Variants in WDR41 observed in about 807,000 individuals in gnomAD.
The protein encoded by WDR41 is WD repeat domain 41.
A neutral mutation model predicts 69.3 loss-of-function variants in WDR41; 63 were observed. That is an observed-to-expected ratio of 0.91 (90% CI 0.74 to 1.12). The LOEUF is 1.12. Ranked by LOEUF, WDR41 falls within the 50% of genes most tolerant of loss-of-function variation. The pLI is 0.00. For missense variants in WDR41, 543 were observed against 534.5 expected (o/e 1.02, Z -0.16); for synonymous variants, 185 against 192.1 (o/e 0.96, Z 0.31).
intron 1 of WDR41, among the ~76,000 whole-genome samples, chr5:77,594,447 T>TA (rs1168810208): frequency 6.6e-6 from 1 of 151,534 alleles, no homozygotes. Flanking sequence ...AAAAAAGAAA[T>TA]AAAAAAAGAA....
chr5:77,436,319 G>A lies in WDR41; in HGVS notation c.1169C>T (p.Ala390Val), dbSNP rs1798933449. 6.2e-7 allele frequency: 1 copy of A among 1,614,106 alleles called. No individual in the cohort carries two copies. The highest frequency in any genetic ancestry group is 1.1e-5 in the South Asian group (1 of 91,076). Reference sequence around the variant, plus strand: ...AATAAGCTCCAGTGAACATGAAGTAGCATTTTCTTGCTGCTTTTTAACAGG... The same window carrying A: ...AATAAGCTCCAGTGAACATGAAGTAACATTTTCTTGCTGCTTTTTAACAGG... Reference protein sequence around the residue: ...SQPVKKQQENATSCSLELIGD... With the variant: ...SQPVKKQQENVTSCSLELIGD... The change falls in exon 12 of 13, where the codon GCT (alanine) becomes GTT (valine). Residue 390 changes from alanine to valine, a missense_variant. Physicochemically the swap from Ala to Val is moderately conservative, Grantham distance 64. Transcript: ENST00000296679.
chr5:77,527,187 G>A (rs1367207979), intron 1 of WDR41, among the ~76,000 whole-genome samples: 4 of 151,776 alleles, frequency 2.6e-5, no homozygotes, highest in Non-Finnish European at 5.9e-5. Flanking sequence ...CAATACTCTA[G>A]TGAAAACATA....
At chr5:77,483,570 G>C (rs1801384556) in intron 2 of WDR41, among the ~76,000 whole-genome samples, 1 of 150,948 alleles carries the variant, frequency 6.6e-6, no homozygotes, top group Non-Finnish European at 1.5e-5. Context: ...TCATTAACCT[G>C]TCTTTTGTAT....
intron 8 of WDR41, among the ~76,000 whole-genome samples, chr5:77,442,270 G>T (rs773206305): frequency 4.6e-5 from 7 of 152,052 alleles, no homozygotes; most frequent in African/African-American, 4.8e-5. Context: ...AAAATCTGAA[G>T]ATAACTACAC....
At chr5:77,576,994 A>G (rs1022584074) in intron 1 of WDR41, among the ~76,000 whole-genome samples, 25 of 152,332 alleles carry the variant, frequency 1.6e-4, no homozygotes, top group African/African-American at 5.5e-4. Flanking sequence ...TCACAAAATC[A>G]AAGGAAGAGT....
At chr5:77,618,596 C>T (rs1744721656) in intron 1 of WDR41, among the ~76,000 whole-genome samples, 1 of 152,158 alleles carries the variant, frequency 6.6e-6, no homozygotes. Context: ...TGGTCTTGAG[C>T]TCCTGATCTC....
chr5:77,520,817 C>T (rs1350825730), intron 1 of WDR41, among the ~76,000 whole-genome samples: 1 of 152,124 alleles, frequency 6.6e-6, no homozygotes, highest in Non-Finnish European at 1.5e-5. Flanking sequence ...TTTAACCTAT[C>T]AAGACCTAGA....
intron 5 of WDR41, among the ~76,000 whole-genome samples, chr5:77,457,377 T>C (rs1215047927): frequency 2.0e-5 from 3 of 152,204 alleles, no homozygotes; most frequent in Non-Finnish European, 4.4e-5. Flanking sequence ...TTTAATATTC[T>C]TCTGAAATAT....
chr5:77,541,470 A>G (rs1293778500), intron 1 of WDR41, among the ~76,000 whole-genome samples: 1 of 148,994 alleles, frequency 6.7e-6, no homozygotes, highest in Non-Finnish European at 1.5e-5. Flanking sequence ...TGCCAAGGAG[A>G]TGGAGTAAAA....
At chr5:77,508,146 G>A (rs757553852) in intron 1 of WDR41, among the ~76,000 whole-genome samples, 1 of 151,910 alleles carries the variant, frequency 6.6e-6, no homozygotes, top group African/African-American at 2.4e-5. Context: ...TGGAGACAGG[G>A]TGTTACTCTC....
chr5:77,496,305 G>T (rs1801933204), upstream of WDR41, among the ~76,000 whole-genome samples: 1 of 151,956 alleles, frequency 6.6e-6, no homozygotes, highest in Non-Finnish European at 1.5e-5. Context: ...ATCCAAATTG[G>T]AAAGGAAGAG....
intron 8 of WDR41, among the ~76,000 whole-genome samples, chr5:77,449,505 G>T (rs1010882649): frequency 6.6e-6 from 1 of 152,182 alleles, no homozygotes; most frequent in Non-Finnish European, 1.5e-5. Flanking sequence ...CAGCTACCAA[G>T]CAGTGCCTGA....
chr5:77,582,313 A>G (rs1015136389), intron 1 of WDR41: 54 of 1,451,254 alleles, frequency 3.7e-5, no homozygotes, highest in Admixed American at 3.4e-5. Flanking sequence ...ATGCATAGAT[A>G]TATAACAAGT....
intron 9 of WDR41, among the ~76,000 whole-genome samples, chr5:77,439,715 G>A (rs1799084765): frequency 6.6e-6 from 1 of 151,974 alleles, no homozygotes; most frequent in Non-Finnish European, 1.5e-5. Context: ...AAAAATTAGG[G>A]AAAACTATAC....
rs996604318 is a variant in WDR41, at chr5:77,557,012, A to G, written c.42+63467T>C. 2.0e-4 allele frequency among the ~76,000 whole-genome samples: 31 copies of G among 152,174 alleles called. 1 individual carries two copies. The highest frequency in any genetic ancestry group is 6.5e-4 in the African/African-American group (27 of 41,440). Reference sequence around the variant, plus strand: ...GGGGTGGAGCCTGAAAGCTGTTGGTAGTCAAACATCAAAAATGGAATTAGA... The same window carrying G: ...GGGGTGGAGCCTGAAAGCTGTTGGTGGTCAAACATCAAAAATGGAATTAGA... On this transcript the variant is annotated intron_variant, in intron 1 of 5. Coordinates refer to the WDR41 transcript ENST00000509971.
At chr5:77,553,273 G>T (rs751681545) in intron 1 of WDR41, among the ~76,000 whole-genome samples, 1 of 152,122 alleles carries the variant, frequency 6.6e-6, no homozygotes, top group Non-Finnish European at 1.5e-5. Flanking sequence ...ATCTGGTGAG[G>T]CCCCCATCTC....
chr5:77,595,816 C>T (rs558532796), intron 1 of WDR41, among the ~76,000 whole-genome samples: 18 of 152,164 alleles, frequency 1.2e-4, no homozygotes, highest in African/African-American at 3.4e-4. Context: ...TCATCCGTGG[C>T]GTCCTCAAAA....
chr5:77,485,332 G>C (rs907740607), intron 2 of WDR41, among the ~76,000 whole-genome samples: 4 of 152,184 alleles, frequency 2.6e-5, no homozygotes, highest in Non-Finnish European at 4.4e-5. Context: ...GAAAGAATAT[G>C]TTTAGCTTGA....
At chr5:77,534,798 G>T (rs1318615282) in intron 1 of WDR41, among the ~76,000 whole-genome samples, 1 of 152,138 alleles carries the variant, frequency 6.6e-6, no homozygotes, top group African/African-American at 2.4e-5. Flanking sequence ...TAGTCTGGGA[G>T]CTGAGGATAC....
Sources: allele counts gnomAD v4.1 joint callset (sites outside exome capture counted in the v4.1 genomes callset), GRCh38; gene constraint gnomAD v4.1.1; transcripts MANE v1.5; gene names NCBI Gene and HGNC (gene_info 2026-07-23, HGNC 2026-07-21).